The following HARS2 variants were observed in gnomAD, a reference collection of about 807,000 sequenced individuals.
HARS2 encodes the protein histidine--tRNA ligase, mitochondrial.
A neutral mutation model predicts 62.4 loss-of-function variants in HARS2; 40 were observed. That is an observed-to-expected ratio of 0.64 (90% CI 0.50 to 0.83). The LOEUF (loss-of-function observed/expected upper bound fraction) is 0.83. Ranked by LOEUF, HARS2 falls within the 40% of genes least tolerant of loss-of-function variation. HARS2 has a pLI of 0.00. For missense variants in HARS2, 569 were observed against 626.4 expected (o/e 0.91, Z 0.98); for synonymous variants, 228 against 227.0 (o/e 1.00, Z -0.04).
rs977456832 is a variant in HARS2, at chr5:140,691,504, G to C, written c.-145G>C. On this transcript the variant is annotated 5_prime_UTR_variant, in exon 1 of 13. Coordinates refer to ENST00000230771, the MANE Select transcript of HARS2 (RefSeq NM_012208.4). ...TTGGGAGGATCCCACCTCAGCCTTCGTGACTAGTGAGGTGCGCAAACGCCC... is the reference window on the plus strand; with the variant it reads ...TTGGGAGGATCCCACCTCAGCCTTCCTGACTAGTGAGGTGCGCAAACGCCC... 1.4e-5 allele frequency: 10 copies of C among 735,352 alleles called. No homozygotes were observed. In the African/African-American group the frequency reaches 1.7e-4, roughly 13 times the overall value. The allele number at this position is 735,352 out of a possible 1,614,324, so 45.6% of individuals were successfully genotyped here. A position where few individuals can be genotyped will look rare whatever the true frequency, so the allele number is the denominator to read the frequency against.
chr5:140,698,722 C>G lies in HARS2; in HGVS notation c.*170C>G. 1 of 713,110 alleles carries G rather than the reference C, an allele frequency of 1.4e-6. No individual in the cohort carries two copies. The allele number at this position is 713,110 out of a possible 1,614,324, so 44.2% of individuals were successfully genotyped here. A position where few individuals can be genotyped will look rare whatever the true frequency, so the allele number is the denominator to read the frequency against. On this transcript the variant is annotated 3_prime_UTR_variant, in exon 13 of 13. Transcript: ENST00000230771. ...AGAACTGTAGAAGACCCTGAGGACT[C>G]CTGGGCTAGTGTGAGCAGCTATTCT... is the stretch of plus-strand genomic sequence containing the variant.
intron 1 of HARS2, among the ~76,000 whole-genome samples, chr5:140,692,664 G>T (rs3776130): frequency 0.41 from 62,134 of 151,968 alleles, 13,193 homozygotes; most frequent in East Asian, 0.46. Context: ...AGGCCAAGGG[G>T]GGTGGATCAC....
chr5:140,692,452 T>C (rs1423887312), intron 1 of HARS2: 1 of 152,594 alleles, frequency 6.6e-6, no homozygotes, highest in Admixed American at 6.5e-5. Context: ...CACAGCATCT[T>C]ATCAGTCTGA....
At chr5:140,696,305 AT>A in intron 7 of HARS2, 104 bp downstream of exon 7, 1 of 927,940 alleles carries the variant, frequency 1.1e-6, no homozygotes, top group South Asian at 1.3e-5. Context: ...GAAGTGGGCT[AT>A]TTTGGGGTGG....
intron 9 of HARS2, 41 bp downstream of exon 9, chr5:140,697,111 G>A: frequency 1.2e-6 from 2 of 1,614,152 alleles, no homozygotes; most frequent in Non-Finnish European, 1.7e-6. Flanking sequence ...GAGCTCTAGG[G>A]CTCTCAGGGT....
intron 1 of HARS2, chr5:140,691,984 A>C (rs1411682240): frequency 5.1e-6 from 3 of 590,066 alleles, no homozygotes; most frequent in Non-Finnish European, 9.1e-6. Context: ...CGGAGGCTGC[A>C]AGATTAAATG....
Position 140,697,235 on chromosome 5 carries a change from G to A in HARS2, c.1026G>A (p.Leu342=), listed in dbSNP as rs1233412752. The part of the protein sequence containing the change: ...YTGVIYEAVL[L]QTPTQAGEEP... ...GAGTGATCTATGAAGCAGTGCTGCT[G>A]CAGACCCCAACTCAGGCTGGGGAGG... Residue 342 remains leucine (L), a synonymous_variant, in exon 10 of 13, where the codon CTG becomes CTA. Transcript: ENST00000230771. The A allele has an allele frequency of 3.1e-6, 5 of 1,614,084 alleles. No homozygotes were observed. The African/African-American group carries it at 4.0e-5, about 13-fold the overall frequency.
At chr5:140,696,229 C>T in intron 7 of HARS2, 28 bp downstream of exon 7, 1 of 1,426,890 alleles carries the variant, frequency 7.0e-7, no homozygotes, top group Non-Finnish European at 9.9e-7. Context: ...CTTCAGTAGA[C>T]CCTATCTAGC....
chr5:140,698,485 T>C lies in HARS2; in HGVS notation c.1462-8T>C, dbSNP rs367684272. Reference sequence around the variant, plus strand: ...AGTTTATCACATGAGGATTCTCTTATGTTTCAGGTGGCCATTAAACGGGAA... The same window carrying C: ...AGTTTATCACATGAGGATTCTCTTACGTTTCAGGTGGCCATTAAACGGGAA... On this transcript the variant is annotated splice_region_variant and splice_polypyrimidine_tract_variant and intron_variant, in intron 12 of 12. Transcript: ENST00000230771. 2.2e-5 allele frequency: 35 copies of C among 1,598,478 alleles called. No homozygotes were observed. The highest frequency in any genetic ancestry group is 1.3e-4 in the East Asian group (6 of 44,806).
chr5:140,697,085 A>T lies in HARS2; in HGVS notation c.954+15A>T. The T allele has an allele frequency of 6.2e-7, 1 of 1,614,160 alleles. No homozygotes were observed. The highest frequency in any genetic ancestry group is 8.5e-7 in the Non-Finnish European group (1 of 1,180,038). Reference sequence around the variant, plus strand: ...TTGCTGATAAGGTAAGCTGAATTGCAAATGGACCTCCTGCTGAGCTCTAGG... The same window carrying T: ...TTGCTGATAAGGTAAGCTGAATTGCTAATGGACCTCCTGCTGAGCTCTAGG... On this transcript the variant is annotated intron_variant, in intron 9 of 12. Transcript: ENST00000230771.
intron 4 of HARS2, 84 bp from the exon 5 acceptor site, chr5:140,695,424 T>C: frequency 1.3e-6 from 2 of 1,510,048 alleles, no homozygotes; most frequent in Non-Finnish European, 1.8e-6. Flanking sequence ...GTGGATGAGA[T>C]CCAGGCCCAG....
intron 1 of HARS2, chr5:140,692,004 T>C (rs1759513237): frequency 7.0e-6 from 4 of 573,698 alleles, no homozygotes; most frequent in Non-Finnish European, 1.3e-5. Flanking sequence ...GAATGACTTA[T>C]ACACGGATAT....
chr5:140,692,660 A>AG (rs1255252968), intron 1 of HARS2, among the ~76,000 whole-genome samples: 2 of 152,192 alleles, frequency 1.3e-5, no homozygotes, highest in African/African-American at 2.4e-5. Context: ...TGGGAGGCCA[A>AG]GGGGGGTGGA....
rs1759750240 is a variant in HARS2 at position 140,696,561 on chromosome 5, A to AAG, written c.774_775dup (p.Gly259GlufsTer23). 3 of 1,613,898 alleles carry AAG rather than the reference A, an allele frequency of 1.9e-6. No homozygotes were observed. The South Asian group carries it at 3.3e-5, about 18-fold the overall frequency. On this transcript the variant is annotated frameshift_variant, in exon 8 of 13. Coordinates refer to ENST00000230771, the MANE Select transcript of HARS2 (RefSeq NM_012208.4). LOFTEE classifies it high-confidence loss of function. The stretch of plus-strand genomic sequence containing the variant: ...GTGAGACATGAGATGGTGGTGAAGA[A>AAG]AGGCCTGGCTCCTGAGGTGGCTGAT...
At position 140,691,569 on chromosome 5, in the gene HARS2, C is replaced by A; in HGVS notation, c.-80C>A. 1.0e-6 allele frequency: 1 copy of A among 968,832 alleles called. No individual in the cohort carries two copies. The highest frequency in any genetic ancestry group is 1.6e-6 in the Non-Finnish European group (1 of 621,400). The allele number at this position is 968,832 out of a possible 1,614,324, so 60.0% of individuals were successfully genotyped here. On this transcript the variant is annotated 5_prime_UTR_variant, in exon 1 of 13. Transcript: ENST00000230771. ...GCGCGGGTTCCGCCTTTGCAGTGCC[C>A]TCCACCCTTCCTGGTGTCTGACCCG... is the stretch of plus-strand genomic sequence containing the variant.
rs534796145 is a variant in HARS2 at position 140,691,569 on chromosome 5, C to T, written c.-80C>T. On this transcript the variant is annotated 5_prime_UTR_variant, in exon 1 of 13. Transcript: ENST00000230771. Reference sequence around the variant, plus strand: ...GCGCGGGTTCCGCCTTTGCAGTGCCCTCCACCCTTCCTGGTGTCTGACCCG... The same window carrying T: ...GCGCGGGTTCCGCCTTTGCAGTGCCTTCCACCCTTCCTGGTGTCTGACCCG... The T allele has an allele frequency of 3.9e-5, 38 of 968,832 alleles. No homozygotes were observed. Among genetic ancestry groups the T allele is most frequent in the African/African-American group, 3.4e-4 (21 of 62,200 alleles). 60.0% of individuals were successfully genotyped at this position (968,832 alleles called of 1,614,324 possible).
In HARS2 at chr5:140,698,490, C is replaced by T. The variant is rs548503564; in HGVS notation, c.1462-3C>T. Reference sequence around the variant, plus strand: ...ATCACATGAGGATTCTCTTATGTTTCAGGTGGCCATTAAACGGGAAAATTT... The same window carrying T: ...ATCACATGAGGATTCTCTTATGTTTTAGGTGGCCATTAAACGGGAAAATTT... On this transcript the variant is annotated splice_region_variant and splice_polypyrimidine_tract_variant and intron_variant, in intron 12 of 12. Coordinates refer to ENST00000230771, the MANE Select transcript of HARS2 (RefSeq NM_012208.4). 7.5e-6 allele frequency: 12 copies of T among 1,601,228 alleles called. No individual in the cohort carries two copies. The Admixed American group carries it at 8.3e-5, about 11-fold the overall frequency.
At chr5:140,698,457 T>C (rs1027817084) in intron 12 of HARS2, 36 bp from the exon 13 acceptor site, 2 of 1,480,810 alleles carry the variant, frequency 1.4e-6, no homozygotes, top group South Asian at 1.1e-5. Context: ...AGTATCACTT[T>C]CTAGTTTATC....
chr5:140,697,199 C>G lies in HARS2; in HGVS notation c.990C>G (p.Asp330Glu). Reference protein sequence around the residue: ...SFDLSLARGLDYYTGVIYEAV... With the variant: ...SFDLSLARGLEYYTGVIYEAV... ...ACCTCAGCCTGGCTCGGGGCCTAGACTACTATACAGGAGTGATCTATGAAG... is the reference window on the plus strand; with the variant it reads ...ACCTCAGCCTGGCTCGGGGCCTAGAGTACTATACAGGAGTGATCTATGAAG... The change falls in exon 10 of 13, where the codon GAC (aspartate) becomes GAG (glutamate). Residue 330 changes from aspartate (D) to glutamate (E), a missense_variant. By Grantham distance (45) the Asp-to-Glu change is conservative (BLOSUM62 2). Coordinates refer to ENST00000230771, the MANE Select transcript of HARS2 (RefSeq NM_012208.4). The G allele has an allele frequency of 6.2e-7, 1 of 1,614,206 alleles. No individual in the cohort carries two copies.
Sources: gnomAD v4.1 joint callset for allele counts (sites outside exome capture counted in the v4.1 genomes callset) on GRCh38, gnomAD v4.1.1 for gene constraint, MANE v1.5 for transcripts, NCBI Gene and HGNC (gene_info 2026-07-23, HGNC 2026-07-21) for gene names.